The following PFKFB3 variants were observed in gnomAD, a reference collection of about 807,000 sequenced individuals.
PFKFB3 encodes 6-phosphofructo-2-kinase/fructose-2,6-biphosphatase 3, also known as 6-phosphofructo-2-kinase/fructose-2,6-bisphosphatase 3.
PFKFB3 carries 33 observed loss-of-function variants against 68.0 expected under a neutral mutation model. That is an observed-to-expected ratio of 0.49 (90% CI 0.37 to 0.65). PFKFB3 has a LOEUF of 0.65. Among genes scored for constraint, PFKFB3 ranks in the 30% least tolerant of loss-of-function variants. The pLI, the probability that PFKFB3 is intolerant of heterozygous loss-of-function variation, is 0.00. For synonymous variants in PFKFB3, 315 were observed against 288.2 expected (o/e 1.09, Z -0.94); for missense variants, 586 against 712.2 (o/e 0.82, Z 2.02).
chr10:6,261,010 A>G, the PFKFB3 span, among the ~76,000 whole-genome samples: 474 of 152,346 alleles, frequency 3.1e-3, 1 homozygote, highest in African/African-American at 0.011. Flanking sequence ...TCCCACCTGT[A>G]GTGGACAGGA....
the PFKFB3 span, among the ~76,000 whole-genome samples, chr10:6,296,374 G>T: frequency 6.6e-6 from 1 of 152,092 alleles, no homozygotes; most frequent in Non-Finnish European, 1.5e-5. Flanking sequence ...CCGGAAAGGG[G>T]TCCCAATCCA....
At chr10:6,171,667 A>G (rs939572885) in intron 1 of PFKFB3, among the ~76,000 whole-genome samples, 10 of 152,246 alleles carry the variant, frequency 6.6e-5, no homozygotes, top group Non-Finnish European at 1.5e-4. Context: ...TGCCAAGATG[A>G]CAGGTGTGAG....
chr10:6,249,192 A>G (rs1039432528), intron 14 of PFKFB3, among the ~76,000 whole-genome samples: 4 of 151,162 alleles, frequency 2.6e-5, no homozygotes, highest in Non-Finnish European at 5.9e-5. Context: ...AAAAAAAAAA[A>G]AAAAAAAAAA....
chr10:6,305,878 G>C, the PFKFB3 span, among the ~76,000 whole-genome samples: 1 of 152,186 alleles, frequency 6.6e-6, no homozygotes, highest in Non-Finnish European at 1.5e-5. Context: ...TGTGAATTCA[G>C]ACTGGAAATC....
chr10:6,199,870 T>C (rs1843279069), upstream of PFKFB3, among the ~76,000 whole-genome samples: 1 of 151,830 alleles, frequency 6.6e-6, no homozygotes, highest in Admixed American at 6.6e-5. Flanking sequence ...TGACCTTTCC[T>C]TCCCAAACAG....
downstream of PFKFB3, among the ~76,000 whole-genome samples, chr10:6,255,817 T>A (rs1445527455): frequency 3.3e-5 from 5 of 152,220 alleles, no homozygotes; most frequent in South Asian, 1.0e-3. Flanking sequence ...AGCTGCCTCC[T>A]CTTCAGTTCT....
the PFKFB3 span, among the ~76,000 whole-genome samples, chr10:6,315,513 G>T: frequency 1.3e-5 from 2 of 151,976 alleles, no homozygotes; most frequent in African/African-American, 2.4e-5. Context: ...TTTGAGATGG[G>T]GTCTCTGTTG....
Position 6,216,862 on chromosome 10 carries a change from C to G in PFKFB3, c.441+82C>G, listed in dbSNP as rs1205158570. ...GGAAGCGGCCTGAGTCCTGCTTGGT[C>G]CTTCCCCTCCTGCTGCCCATGTTCC... On this transcript the variant is annotated intron_variant, in intron 5 of 14. Transcript: ENST00000379775. The G allele has an allele frequency of 1.4e-5, 12 of 881,712 alleles. No homozygotes were observed. The South Asian group carries it at 1.7e-4, about 12-fold the overall frequency. 54.6% of individuals were successfully genotyped at this position (881,712 alleles called of 1,614,324 possible).
intron 5 of PFKFB3, 109 bp downstream of exon 5, chr10:6,216,889 T>G (rs1844623099): frequency 1.1e-6 from 1 of 883,942 alleles, no homozygotes; most frequent in South Asian, 1.4e-5. Flanking sequence ...CCATGTTCCT[T>G]AGTCCTGCTC....
chr10:6,319,657 T>A, the PFKFB3 span, among the ~76,000 whole-genome samples: 6,352 of 143,354 alleles, frequency 0.044, 447 homozygotes, highest in African/African-American at 0.15. Flanking sequence ...AAAAATTATT[T>A]AAAAATTGTA....
At chr10:6,323,159 C>T in the PFKFB3 span, among the ~76,000 whole-genome samples, 1 of 152,188 alleles carries the variant, frequency 6.6e-6, no homozygotes, top group Non-Finnish European at 1.5e-5. Flanking sequence ...TTGGATATAT[C>T]TGTATCTATA....
intron 14 of PFKFB3, among the ~76,000 whole-genome samples, chr10:6,246,083 C>A (rs1185196891): frequency 1.3e-5 from 2 of 152,104 alleles, no homozygotes; most frequent in African/African-American, 4.8e-5. Flanking sequence ...GCCTGGATGC[C>A]CTGGGTTGAT....
At position 6,221,763 on chromosome 10, in the gene PFKFB3, C is replaced by G. The variant is rs370701565; in HGVS notation, c.1083+18C>G. ...CCGGGGAGGTGAGCGCAGGCTGGGG[C>G]GGGCTGACGGTCCCCAGCACACATG... On this transcript the variant is annotated intron_variant, in intron 10 of 14. Transcript: ENST00000379775. 1 of 1,516,436 alleles carries G rather than the reference C, an allele frequency of 6.6e-7. No homozygotes were observed. Among genetic ancestry groups the G allele is most frequent in the Non-Finnish European group, 9.0e-7 (1 of 1,109,480 alleles). The allele number at this position is 1,516,436 out of a possible 1,614,324, so 93.9% of individuals were successfully genotyped here.
chr10:6,262,755 G>A, the PFKFB3 span, among the ~76,000 whole-genome samples: 1 of 152,170 alleles, frequency 6.6e-6, no homozygotes, highest in Non-Finnish European at 1.5e-5. Flanking sequence ...CTTCAGAAAT[G>A]GGTACTGCCT....
At chr10:6,152,490 T>C (rs79754789) in intron 1 of PFKFB3, among the ~76,000 whole-genome samples, 8,720 of 152,146 alleles carry the variant, frequency 0.057, 532 homozygotes, top group Admixed American at 0.19. Context: ...CTGCAAGGGC[T>C]AAATCTCTCT....
At chr10:6,297,375 G>T in the PFKFB3 span, among the ~76,000 whole-genome samples, 3 of 152,188 alleles carry the variant, frequency 2.0e-5, no homozygotes, top group Non-Finnish European at 4.4e-5. Flanking sequence ...TAGGGAGAGA[G>T]TAGGCAAAAG....
intron 1 of PFKFB3, among the ~76,000 whole-genome samples, chr10:6,149,030 G>C (rs1409191731): frequency 1.3e-5 from 2 of 152,150 alleles, no homozygotes; most frequent in South Asian, 2.1e-4. Context: ...AGTGAGCTAC[G>C]ATCACACCAC....
intron 1 of PFKFB3, among the ~76,000 whole-genome samples, chr10:6,193,173 C>T (rs1276935185): frequency 6.6e-6 from 1 of 152,132 alleles, no homozygotes; most frequent in African/African-American, 2.4e-5. Flanking sequence ...AATGAGACCC[C>T]CTGTCTCTAC....
In PFKFB3 at chr10:6,215,290, A is replaced by C; in HGVS notation, c.272A>C (p.Asp91Ala). Residue 91 changes from aspartate (D) to alanine (A), a missense_variant, in exon 3 of 15, where the codon GAC (aspartate) becomes GCC (alanine). Physicochemically the swap from Asp to Ala is moderately radical, Grantham distance 126. Coordinates refer to ENST00000379775, the MANE Select transcript of PFKFB3 (RefSeq NM_004566.4). The surrounding 1 kb of genome is among the most constrained non-coding windows in gnomAD (Gnocchi z 4.3). ...QYSSYNFFRP[D>A]NEEAMKVRKQ... Reference sequence around the variant, plus strand: ...AGCTCCTACAACTTCTTCCGCCCCGACAATGAGGAAGCCATGAAAGTCCGG... The same window carrying C: ...AGCTCCTACAACTTCTTCCGCCCCGCCAATGAGGAAGCCATGAAAGTCCGG... 3.7e-6 allele frequency: 6 copies of C among 1,613,876 alleles called. No homozygotes were observed. Among genetic ancestry groups the C allele is most frequent in the Non-Finnish European group, 5.1e-6 (6 of 1,179,930 alleles).
Sources: gnomAD v4.1 joint callset for allele counts (sites outside exome capture counted in the v4.1 genomes callset) on GRCh38, gnomAD v4.1.1 for gene constraint, Gnocchi (gnomAD v3.1) non-coding constraint, MANE v1.5 for transcripts, NCBI Gene and HGNC (gene_info 2026-07-23, HGNC 2026-07-21) for gene names.